The following SLC12A7 variants were observed in gnomAD, a reference collection of about 807,000 sequenced individuals.
SLC12A7 encodes the protein solute carrier family 12 member 7, also known as K-Cl cotransporter 4.
A neutral mutation model predicts 120.6 loss-of-function variants in SLC12A7; 100 were observed. The ratio of observed to expected loss-of-function variants is 0.83; its 90% CI spans 0.71 to 0.98. The LOEUF (loss-of-function observed/expected upper bound fraction) is 0.98, where lower values mean the gene tolerates loss of function less well. Ranked by LOEUF, SLC12A7 falls within the 50% of genes least tolerant of loss-of-function variation. The pLI, the probability that SLC12A7 is intolerant of heterozygous loss-of-function variation, is 0.00. For missense variants in SLC12A7, 1,373 were observed against 1,548.1 expected, an observed-to-expected ratio of 0.89 and a Z score of 1.90; for synonymous variants, 760 against 678.0, an observed-to-expected ratio of 1.12 and a Z score of -1.88.
At position 1,078,009 on chromosome 5, in the gene SLC12A7, T is replaced by TACAG; in HGVS notation, c.1455-3_1455-2insCTGT. 9 of 1,557,608 alleles carry TACAG rather than the reference T, an allele frequency of 5.8e-6. No homozygotes were observed. Among genetic ancestry groups the TACAG allele is most frequent in the Non-Finnish European group, 7.8e-6 (9 of 1,152,648 alleles). On this transcript the variant is annotated splice_polypyrimidine_tract_variant and splice_region_variant and intron_variant, in intron 11 of 23. Transcript: ENST00000264930. ...TTCCCCTGCAGGGCCTCCCCGAACC[T>TACAG]GCAGGCAGGCGGGCAGGCGGGCGGG...
chr5:1,077,437 C>CCA lies in SLC12A7; in HGVS notation c.1629+394_1629+395dup, dbSNP rs891068014. Among the ~76,000 whole-genome samples the CCA allele has an allele frequency of 3.3e-5, 5 of 152,320 alleles. No individual in the cohort carries two copies. The South Asian group carries it at 1.0e-3, about 32-fold the overall frequency. On this transcript the variant is annotated intron_variant, in intron 12 of 23. Coordinates refer to ENST00000264930, the MANE Select transcript of SLC12A7 (RefSeq NM_006598.3). Reference sequence around the variant, plus strand: ...GGCGTCCGTGCAATCCTCAGAGCAGCCACACACACTGGCTGCAGGTGGCTG... The same window carrying CCA: ...GGCGTCCGTGCAATCCTCAGAGCAGCCACACACACACTGGCTGCAGGTGGCTG...
In SLC12A7 at chr5:1,053,628, G is replaced by A. The variant is rs921765837; in HGVS notation, c.3027-146C>T. 9.8e-6 allele frequency: 11 copies of A among 1,120,746 alleles called. No individual in the cohort carries two copies. The African/African-American group carries it at 1.4e-4, about 14-fold the overall frequency. The allele number at this position is 1,120,746 out of a possible 1,614,324, so 69.4% of individuals were successfully genotyped here. ...ATCAGGCGGATTCTCTGACCCTGAA[G>A]GATGCAGAAGTGGCGGCTCCGAGCG... On this transcript the variant is annotated intron_variant, in intron 22 of 23. Coordinates refer to ENST00000264930, the MANE Select transcript of SLC12A7 (RefSeq NM_006598.3).
chr5:1,140,493 G>A, the SLC12A7 span, among the ~76,000 whole-genome samples: 1 of 97,458 alleles, frequency 1.0e-5, no homozygotes, highest in East Asian at 2.5e-4. Context: ...GCCCCCTGCT[G>A]GTGAGGGGGG....
chr5:1,140,919 G>A, the SLC12A7 span, among the ~76,000 whole-genome samples: 4 of 152,234 alleles, frequency 2.6e-5, no homozygotes, highest in Non-Finnish European at 1.5e-5. Flanking sequence ...AGGCAGAGCC[G>A]TTGGGGGCTG....
intron 18 of SLC12A7, among the ~76,000 whole-genome samples, chr5:1,064,519 G>A (rs771098308): frequency 2.2e-4 from 34 of 152,364 alleles, no homozygotes; most frequent in Admixed American, 4.6e-4. Flanking sequence ...TCAGATGGCC[G>A]CTCCCAGGGC....
chr5:1,132,044 G>A, the SLC12A7 span, among the ~76,000 whole-genome samples: 5 of 152,318 alleles, frequency 3.3e-5, no homozygotes, highest in African/African-American at 9.6e-5. Context: ...CGGGACGACC[G>A]CGCAAGAGGC....
chr5:1,100,895 A>T (rs968981368), intron 1 of SLC12A7, among the ~76,000 whole-genome samples: 6 of 152,334 alleles, frequency 3.9e-5, no homozygotes, highest in Admixed American at 2.0e-4. Flanking sequence ...GTCCTGGGAC[A>T]GAAAAGCACA....
intron 17 of SLC12A7, 103 bp from the exon 18 acceptor site, chr5:1,065,581 AC>A: frequency 1.1e-6 from 1 of 911,964 alleles, no homozygotes; most frequent in Non-Finnish European, 1.6e-6. Context: ...TCCCCTGTGG[AC>A]CCAGCAGGAG....
chr5:1,077,740 C>T (rs1738524746), intron 12 of SLC12A7, 93 bp downstream of exon 12: 19 of 1,298,194 alleles, frequency 1.5e-5, no homozygotes, highest in Non-Finnish European at 1.9e-5. Context: ...CGCGGGCATG[C>T]GTCCCACACA....
rs1362901977 is a variant in SLC12A7, at chr5:1,079,396, A to G, written c.1396+2T>C. On this transcript the variant is annotated splice_donor_variant, in intron 10 of 23. Transcript: ENST00000264930. LOFTEE classifies it high-confidence loss of function. ...CCCTCGCCTGCACCCCTCCAAGGAT[A>G]CAGATGAAAGACGTCGTCACTATGG... 4 of 1,609,818 alleles carry G rather than the reference A, an allele frequency of 2.5e-6. No individual in the cohort carries two copies. Among genetic ancestry groups the G allele is most frequent in the Non-Finnish European group, 3.4e-6 (4 of 1,177,316 alleles).
chr5:1,066,399 T>C (rs186638565), intron 17 of SLC12A7, among the ~76,000 whole-genome samples: 34 of 152,098 alleles, frequency 2.2e-4, no homozygotes, highest in Admixed American at 5.9e-4. Context: ...TACATGAGAG[T>C]TGGGACTCAG....
chr5:1,085,009 G>T (rs1161157848), intron 7 of SLC12A7, among the ~76,000 whole-genome samples: 1 of 152,224 alleles, frequency 6.6e-6, no homozygotes, highest in Non-Finnish European at 1.5e-5. Context: ...ACTGAGGAGG[G>T]TCTTCATGCT....
chr5:1,141,318 C>A, the SLC12A7 span, among the ~76,000 whole-genome samples: 1 of 152,332 alleles, frequency 6.6e-6, no homozygotes, highest in East Asian at 1.9e-4. Flanking sequence ...CAAACAGCTC[C>A]CTCCCAATAC....
Position 1,083,950 on chromosome 5 carries a change from G to A in SLC12A7, c.924C>T (p.Cys308=), listed in dbSNP as rs1367239208. Residue 308 remains cysteine, a synonymous_variant, in exon 8 of 24, where the codon TGC becomes TGT. Coordinates refer to ENST00000264930, the MANE Select transcript of SLC12A7 (RefSeq NM_006598.3). ...GTGACAGCGTGCGGTTCCCCAGGAG[G>A]CAGACCCTGGGCGGGACAGGGAGGC... The part of the protein sequence containing the change: ...SAFDPPDIPV[C]LLGNRTLSRR... The A allele has an allele frequency of 6.2e-7, 1 of 1,601,398 alleles. No homozygotes were observed. Among genetic ancestry groups the A allele is most frequent in the South Asian group, 1.1e-5 (1 of 90,972 alleles).
upstream of SLC12A7, among the ~76,000 whole-genome samples, chr5:1,116,311 G>A (rs1386735141): frequency 6.6e-6 from 1 of 152,218 alleles, no homozygotes; most frequent in Non-Finnish European, 1.5e-5. Flanking sequence ...CGGGGCCTCT[G>A]GGCCTGGTGG....
intron 14 of SLC12A7, chr5:1,075,822 C>G (rs957716093): frequency 2.0e-6 from 1 of 507,394 alleles, no homozygotes; most frequent in Non-Finnish European, 3.5e-6. Context: ...ACCCACAGCC[C>G]TGATGGGCTA....
chr5:1,065,237 A>T (rs554350645), intron 18 of SLC12A7, 46 bp downstream of exon 18: 1 of 1,398,516 alleles, frequency 7.2e-7, no homozygotes, highest in Non-Finnish European at 9.8e-7. Flanking sequence ...GAGAGGACAC[A>T]GAGGGGACGG....
chr5:1,064,750 GAGGAGACGGTGAAGGGACAGCA>G lies in SLC12A7; in HGVS notation c.2437+511_2438-499del, dbSNP rs1380632004. Among the ~76,000 whole-genome samples, 698 of 149,986 alleles carry G rather than the reference GAGGAGACGGTGAAGGGACAGCA, an allele frequency of 4.7e-3. 4 individuals carry two copies. The highest frequency in any genetic ancestry group is 8.3e-3 in the Non-Finnish European group (562 of 67,444). On this transcript the variant is annotated intron_variant, in intron 18 of 23. Transcript: ENST00000264930. Reference sequence around the variant, plus strand: ...GGTGAAGGGACAGCGAGGGGACGGCGAGGAGACGGTGAAGGGACAGCAAGGGGACGGTGAGGGGACAGCGAGG... The same window carrying G: ...GGTGAAGGGACAGCGAGGGGACGGCGAGGGGACGGTGAGGGGACAGCGAGG...
intron 15 of SLC12A7, 137 bp from the exon 16 acceptor site, chr5:1,074,808 C>A: frequency 2.7e-6 from 2 of 739,288 alleles, no homozygotes; most frequent in Middle Eastern, 3.7e-4. Context: ...AGGAGGGAGG[C>A]CTCCATGCCC....
Sources: gnomAD v4.1 joint callset for allele counts (sites outside exome capture counted in the v4.1 genomes callset) on GRCh38, gnomAD v4.1.1 for gene constraint, MANE v1.5 for transcripts, NCBI Gene and HGNC (gene_info 2026-07-23, HGNC 2026-07-21) for gene names.